SNX24: variants seen among roughly 807,000 people sequenced by gnomAD.
SNX24 encodes sorting nexin-24.
Under a neutral mutation model 28.7 loss-of-function variants are expected in SNX24, and 22 were observed. That is an observed-to-expected ratio of 0.77 (90% confidence interval 0.55 to 1.10). The LOEUF is 1.10. SNX24 is among the 50% of genes least tolerant of loss of function. The pLI, the probability that SNX24 is intolerant of heterozygous loss-of-function variation, is 0.00. For missense variants in SNX24, 221 were observed against 201.1 expected, an observed-to-expected ratio of 1.10 and a Z score of -0.60; for synonymous variants, 69 against 71.5, an observed-to-expected ratio of 0.96 and a Z score of 0.18.
At chr5:122,851,961 C>T (rs961669414) in intron 1 of SNX24, among the ~76,000 whole-genome samples, 1 of 151,894 alleles carries the variant, frequency 6.6e-6, no homozygotes, top group Non-Finnish European at 1.5e-5. Context: ...ACCTTAATAG[C>T]ATCCAGTTTC....
At chr5:122,888,915 G>C (rs1444195232) in intron 1 of SNX24, among the ~76,000 whole-genome samples, 1 of 152,158 alleles carries the variant, frequency 6.6e-6, no homozygotes, top group Non-Finnish European at 1.5e-5. Context: ...GCAGTGGCGT[G>C]ATCTCAGCTC....
At chr5:122,900,692 C>T (rs1216359517) in intron 1 of SNX24, among the ~76,000 whole-genome samples, 1 of 152,096 alleles carries the variant, frequency 6.6e-6, no homozygotes, top group Non-Finnish European at 1.5e-5. Context: ...TTGCTTCAGA[C>T]TGGGAGGTCA....
intron 3 of SNX24, among the ~76,000 whole-genome samples, chr5:122,999,500 ACC>A (rs1333966675): frequency 4.6e-5 from 7 of 152,126 alleles, no homozygotes; most frequent in Non-Finnish European, 1.0e-4. Flanking sequence ...TGTATATCAG[ACC>A]ACTTTATCAC....
chr5:122,886,648 G>A (rs949753312), intron 1 of SNX24, among the ~76,000 whole-genome samples: 1 of 151,602 alleles, frequency 6.6e-6, no homozygotes, highest in Non-Finnish European at 1.5e-5. Flanking sequence ...TGGCCAATAT[G>A]GTGAAACCCC....
At chr5:122,894,250 A>G (rs755993581) in intron 1 of SNX24, among the ~76,000 whole-genome samples, 1 of 152,100 alleles carries the variant, frequency 6.6e-6, no homozygotes, top group Non-Finnish European at 1.5e-5. Context: ...TCTGTAGGTA[A>G]TCATTTTTAT....
chr5:122,981,268 C>A (rs910551238), intron 3 of SNX24, among the ~76,000 whole-genome samples: 1 of 152,190 alleles, frequency 6.6e-6, no homozygotes, highest in Non-Finnish European at 1.5e-5. Flanking sequence ...ATTCTCTTGA[C>A]AACACCCTAC....
intron 1 of SNX24, among the ~76,000 whole-genome samples, chr5:122,935,357 A>AAT (rs1214724263): frequency 1.3e-5 from 2 of 152,176 alleles, no homozygotes; most frequent in African/African-American, 4.8e-5. Context: ...CTGGTGAATT[A>AAT]ATAAACAGAT....
rs73289296 is a variant in SNX24, at chr5:122,874,637, A to T, written c.60+28944A>T. ...GCATTAGGGCCAGCTGTTATGAATCAGAAAGAAGCTAGGGTTATGTTTATT... is the reference window on the plus strand; with the variant it reads ...GCATTAGGGCCAGCTGTTATGAATCTGAAAGAAGCTAGGGTTATGTTTATT... On this transcript the variant is annotated intron_variant, in intron 1 of 6. Coordinates refer to ENST00000261369, the MANE Select transcript of SNX24 (RefSeq NM_014035.4). 8.3e-3 allele frequency among the ~76,000 whole-genome samples: 1,263 copies of T among 152,356 alleles called. 17 individuals carry two copies. The highest frequency in any genetic ancestry group is 0.029 in the African/African-American group (1,191 of 41,574).
intron 1 of SNX24, among the ~76,000 whole-genome samples, chr5:122,866,815 A>T (rs1001753266): frequency 2.0e-5 from 3 of 152,198 alleles, no homozygotes; most frequent in African/African-American, 7.2e-5. Context: ...ATTTAAAGAC[A>T]TGAGCATAAA....
At chr5:122,960,218 C>G (rs1288195599) in intron 3 of SNX24, among the ~76,000 whole-genome samples, 1 of 152,140 alleles carries the variant, frequency 6.6e-6, no homozygotes, top group Non-Finnish European at 1.5e-5. Context: ...TAAACAACAT[C>G]CCATCTGCCT....
intron 1 of SNX24, among the ~76,000 whole-genome samples, chr5:122,924,059 A>T (rs144331571): frequency 1.8e-4 from 27 of 152,338 alleles, no homozygotes; most frequent in African/African-American, 5.8e-4. Context: ...GATTTCTGAG[A>T]AAGCAAATAA....
At chr5:122,940,202 C>T (rs112552379) in intron 2 of SNX24, among the ~76,000 whole-genome samples, 1 of 152,196 alleles carries the variant, frequency 6.6e-6, no homozygotes, top group African/African-American at 2.4e-5. Context: ...CCATGTTGGC[C>T]AGGCTAGTTT....
chr5:122,948,046 T>G (rs119449), intron 3 of SNX24, among the ~76,000 whole-genome samples: 122,616 of 152,184 alleles, frequency 0.81, 50,184 homozygotes, highest in East Asian at 0.99. Flanking sequence ...AGGGCTCAGA[T>G]GGCTTGCTTC....
intron 3 of SNX24, among the ~76,000 whole-genome samples, chr5:122,999,052 A>AG (rs1232138613): frequency 1.8e-5 from 2 of 109,918 alleles, no homozygotes; most frequent in Non-Finnish European, 1.8e-5. Context: ...CTTTTAGAAG[A>AG]GGGGGAGGGG....
chr5:122,944,514 A>G (rs1759597110), intron 2 of SNX24, among the ~76,000 whole-genome samples: 1 of 152,152 alleles, frequency 6.6e-6, no homozygotes, highest in Non-Finnish European at 1.5e-5. Context: ...TTCATGTGGG[A>G]TTAGATTTGG....
downstream of SNX24, among the ~76,000 whole-genome samples, chr5:123,011,503 T>C (rs1214430402): frequency 6.9e-6 from 1 of 145,010 alleles, no homozygotes; most frequent in Non-Finnish European, 1.5e-5. Context: ...TGAAAAGAAG[T>C]TGAGCTCTCT....
chr5:122,964,682 A>T (rs1020962938), intron 3 of SNX24, among the ~76,000 whole-genome samples: 1 of 152,140 alleles, frequency 6.6e-6, no homozygotes, highest in Non-Finnish European at 1.5e-5. Context: ...ATAAAAATAA[A>T]ATCTCAGATT....
At chr5:122,954,187 T>TTCTC (rs150039118) in intron 3 of SNX24, among the ~76,000 whole-genome samples, 29 of 144,418 alleles carry the variant, frequency 2.0e-4, no homozygotes, top group South Asian at 4.7e-4. Flanking sequence ...GCAGTGAACT[T>TTCTC]TCTCTCTCTC....
intron 5 of SNX24, chr5:123,029,129 C>T: frequency 8.2e-7 from 1 of 1,213,214 alleles, no homozygotes; most frequent in South Asian, 1.5e-5. Flanking sequence ...CTCCCAATTT[C>T]CAGAAGCCTA....
Sources: allele counts gnomAD v4.1 joint callset (sites outside exome capture counted in the v4.1 genomes callset), GRCh38; gene constraint gnomAD v4.1.1; transcripts MANE v1.5; gene names NCBI Gene and HGNC (gene_info 2026-07-23, HGNC 2026-07-21).